Variants in CHRM2 observed in about 807,000 individuals in gnomAD.
The protein encoded by CHRM2 is muscarinic acetylcholine receptor M2.
In CHRM2, 8 loss-of-function variants were observed where a neutral mutation model predicts 25.0. That is an observed-to-expected ratio of 0.32 (90% CI 0.19 to 0.58). The LOEUF is 0.58. Ranked by LOEUF, CHRM2 falls within the 20% of genes least tolerant of loss-of-function variation. The probability of loss-of-function intolerance (pLI) is 0.88; values close to 1 mark genes in which losing one functional copy is unlikely to be tolerated. For synonymous variants in CHRM2, 202 were observed against 205.7 expected (o/e 0.98, Z 0.15); for missense variants, 440 against 567.1 (o/e 0.78, Z 2.28).
At chr7:136,924,874 G>C (rs1396543280) in intron 2 of CHRM2, among the ~76,000 whole-genome samples, 1 of 152,134 alleles carries the variant, frequency 6.6e-6, no homozygotes, top group African/African-American at 2.4e-5. Flanking sequence ...GCGTAACACA[G>C]AGTATTTCAT....
Position 136,883,079 on chromosome 7 carries a change from T to C in CHRM2, c.-125+13661T>C, listed in dbSNP as rs73445246. Among the ~76,000 whole-genome samples the C allele has an allele frequency of 3.2e-3, 480 of 152,292 alleles. 1 individual carries two copies. Among genetic ancestry groups the C allele is most frequent in the African/African-American group, 0.011 (451 of 41,576 alleles). On this transcript the variant is annotated intron_variant, in intron 2 of 3. Transcript: ENST00000680005. ...TACTCAAAAGAGGAAGGAGAAGTAC[T>C]ACACTTAGGTGCCCACTTTCATCTG...
chr7:136,958,232 T>C (rs895707848), intron 2 of CHRM2, among the ~76,000 whole-genome samples: 1 of 152,270 alleles, frequency 6.6e-6, no homozygotes, highest in South Asian at 2.1e-4. Context: ...AGGAATCCAG[T>C]GAACAAGAAG....
rs376925126 is a variant in CHRM2, at chr7:136,947,715, A to T, written c.-124-44472A>T. Among the ~76,000 whole-genome samples the T allele has an allele frequency of 2.9e-4, 44 of 152,300 alleles. 1 individual carries two copies. The highest frequency in any genetic ancestry group is 1.0e-3 in the African/African-American group (43 of 41,568). On this transcript the variant is annotated intron_variant, in intron 2 of 3. Transcript: ENST00000680005. The stretch of plus-strand genomic sequence containing the variant: ...ATGTTTATAATTTACAGATCAAAAA[A>T]TAGAGATTAAAGACCTTGAGAAGGC...
intron 2 of CHRM2, chr7:136,906,818 G>C (rs1797580510): frequency 6.6e-6 from 1 of 151,562 alleles, no homozygotes; most frequent in Non-Finnish European, 1.5e-5. Flanking sequence ...GGGATGGATG[G>C]TTTTGGGAAG....
chr7:136,881,344 T>A (rs545913418), intron 2 of CHRM2, among the ~76,000 whole-genome samples: 1 of 151,808 alleles, frequency 6.6e-6, no homozygotes. Context: ...CCCTTCTTTT[T>A]AGCACTGAAT....
chr7:136,964,421 T>C (rs542497971), intron 2 of CHRM2, among the ~76,000 whole-genome samples: 1 of 152,296 alleles, frequency 6.6e-6, no homozygotes, highest in Non-Finnish European at 1.5e-5. Flanking sequence ...TTTTGAGTGC[T>C]GCCTGGAACT....
chr7:136,894,681 A>G (rs1796824112), intron 2 of CHRM2, among the ~76,000 whole-genome samples: 1 of 152,154 alleles, frequency 6.6e-6, no homozygotes, highest in Non-Finnish European at 1.5e-5. Flanking sequence ...CTCTATTTTA[A>G]ACATTTTTAA....
In CHRM2 at chr7:137,016,122, C is replaced by T. The variant is rs1234369177; in HGVS notation, c.1257C>T (p.Asn419=). The T allele has an allele frequency of 3.1e-6, 5 of 1,612,780 alleles. No homozygotes were observed. The Admixed American group carries it at 5.0e-5, about 16-fold the overall frequency. ...CCTTTTGTGCACCTTGCATCCCCAACACTGTGTGGACAATTGGTTACTGGC... is the reference window on the plus strand; with the variant it reads ...CCTTTTGTGCACCTTGCATCCCCAATACTGTGTGGACAATTGGTTACTGGC... ...INTFCAPCIP[N]TVWTIGYWLC... Residue 419 remains asparagine, a synonymous_variant, in exon 4 of 4, where the codon AAC becomes AAT. Transcript: ENST00000680005.
chr7:136,916,345 A>G (rs573068593), intron 2 of CHRM2, among the ~76,000 whole-genome samples: 1 of 152,006 alleles, frequency 6.6e-6, no homozygotes, highest in Non-Finnish European at 1.5e-5. Flanking sequence ...ACAGAAAAAC[A>G]TTTATTATAG....
intron 3 of CHRM2, among the ~76,000 whole-genome samples, chr7:136,996,558 A>T (rs933363402): frequency 6.6e-6 from 1 of 152,162 alleles, no homozygotes; most frequent in African/African-American, 2.4e-5. Flanking sequence ...CAATGATCTC[A>T]TTTATAGGAA....
intron 2 of CHRM2, among the ~76,000 whole-genome samples, chr7:136,936,086 A>C (rs1282508312): frequency 6.6e-6 from 1 of 152,168 alleles, no homozygotes; most frequent in African/African-American, 2.4e-5. Context: ...TTAAGATTCA[A>C]AAACTTGAAT....
intron 2 of CHRM2, among the ~76,000 whole-genome samples, chr7:136,875,248 AAG>A (rs1270669065): frequency 6.6e-6 from 1 of 151,904 alleles, no homozygotes; most frequent in Non-Finnish European, 1.5e-5. Flanking sequence ...GTGAGAAAGA[AAG>A]AGTGGAGGTA....
rs557890445 is a variant in CHRM2 at position 136,886,702 on chromosome 7, C to CA, written c.-125+17290dup. 4.5e-4 allele frequency among the ~76,000 whole-genome samples: 68 copies of CA among 151,572 alleles called. 1 individual carries two copies. Among genetic ancestry groups the CA allele is most frequent in the Non-Finnish European group, 3.2e-4 (22 of 67,870 alleles). ...GGCAACATAGGAAAACTCTTCTCTA[C>CA]AAAAAATACAAAAAAAAAATCTAGC... On this transcript the variant is annotated intron_variant, in intron 2 of 3. Coordinates refer to ENST00000680005, the MANE Select transcript of CHRM2 (RefSeq NM_001006630.2).
At chr7:136,948,705 A>C (rs1036452116) in intron 2 of CHRM2, among the ~76,000 whole-genome samples, 2 of 152,230 alleles carry the variant, frequency 1.3e-5, no homozygotes, top group African/African-American at 4.8e-5. Context: ...AATAAAAAAG[A>C]AATGAGTCCT....
At chr7:136,875,533 ATG>A (rs1247438850) in intron 2 of CHRM2, among the ~76,000 whole-genome samples, 1 of 152,050 alleles carries the variant, frequency 6.6e-6, no homozygotes, top group Non-Finnish European at 1.5e-5. Flanking sequence ...CACCTCTCAC[ATG>A]AACTATCACC....
chr7:136,930,927 A>AAAAAAAAAAAAAAAAAG (rs1290104978), intron 2 of CHRM2, among the ~76,000 whole-genome samples: 31 of 138,662 alleles, frequency 2.2e-4, no homozygotes, highest in South Asian at 1.1e-3. Flanking sequence ...AAAAAAAAAA[A>AAAAAAAAAAAAAAAAAG]GGATAGAAAG....
At chr7:136,914,706 C>T (rs2130702211) in intron 2 of CHRM2, among the ~76,000 whole-genome samples, 1 of 151,940 alleles carries the variant, frequency 6.6e-6, no homozygotes, top group East Asian at 1.9e-4. Flanking sequence ...TTTTTTGAGC[C>T]TCAGCTTTCT....
At chr7:136,981,228 AC>A (rs1802465634) in intron 2 of CHRM2, among the ~76,000 whole-genome samples, 2 of 152,182 alleles carry the variant, frequency 1.3e-5, no homozygotes, top group Admixed American at 1.3e-4. Context: ...ATTTATTTGC[AC>A]AGAGGTGTTT....
At chr7:136,995,316 G>A (rs1434110440) in intron 3 of CHRM2, among the ~76,000 whole-genome samples, 1 of 151,822 alleles carries the variant, frequency 6.6e-6, no homozygotes, top group East Asian at 1.9e-4. Context: ...ACAAACACAG[G>A]TCTATAAAAA....
Sources: gnomAD v4.1 joint callset for allele counts (sites outside exome capture counted in the v4.1 genomes callset) on GRCh38, gnomAD v4.1.1 for gene constraint, MANE v1.5 for transcripts, NCBI Gene and HGNC (gene_info 2026-07-23, HGNC 2026-07-21) for gene names.